STPG2: variants seen among roughly 807,000 people sequenced by gnomAD.
STPG2 encodes the protein sperm tail PG-rich repeat containing 2, also known as sperm-tail PG-rich repeat-containing protein 2.
STPG2 carries 56 observed loss-of-function variants against 54.2 expected under a neutral mutation model. The observed-to-expected ratio is 1.03, with a 90% CI of 0.83 to 1.29. The LOEUF (loss-of-function observed/expected upper bound fraction) is 1.29. STPG2 is among the 50% of genes most tolerant of loss of function. STPG2 has a pLI of 0.00. For synonymous variants in STPG2, 200 were observed against 181.8 expected, an observed-to-expected ratio of 1.10 and a Z score of -0.81; for missense variants, 596 against 544.9, an observed-to-expected ratio of 1.09 and a Z score of -0.93.
At chr4:97,578,979 C>T (rs538377012) in intron 10 of STPG2, among the ~76,000 whole-genome samples, 2 of 151,966 alleles carry the variant, frequency 1.3e-5, no homozygotes, top group South Asian at 2.1e-4. Context: ...TAGCATCAAA[C>T]GAACAATATC....
intron 4 of STPG2, among the ~76,000 whole-genome samples, chr4:97,505,576 G>T (rs569344594): frequency 6.6e-6 from 1 of 151,936 alleles, no homozygotes; most frequent in African/African-American, 2.4e-5. Flanking sequence ...GCATTGTTTG[G>T]ACTGCTATGC....
rs10016313 is a variant in STPG2 at position 97,736,662 on chromosome 4, C to A, written c.1205-23848G>T. Among the ~76,000 whole-genome samples, 442 of 152,298 alleles carry A rather than the reference C, an allele frequency of 2.9e-3. 3 individuals are homozygous for A. Among genetic ancestry groups the A allele is most frequent in the African/African-American group, 9.7e-3 (405 of 41,574 alleles). ...GGTGGCAGCCAGGCTAGGGGAGGGGCACCTGTCATTGCCCAGGCTTGCTTA... is the reference window on the plus strand; with the variant it reads ...GGTGGCAGCCAGGCTAGGGGAGGGGAACCTGTCATTGCCCAGGCTTGCTTA... On this transcript the variant is annotated intron_variant, in intron 9 of 10. Transcript: ENST00000295268.
At chr4:97,918,739 C>G (rs1472935204) in intron 8 of STPG2, among the ~76,000 whole-genome samples, 2 of 152,020 alleles carry the variant, frequency 1.3e-5, no homozygotes, top group Admixed American at 1.3e-4. Flanking sequence ...ATCCTATGTT[C>G]TCACTTATAA....
At chr4:97,639,976 T>C (rs1721709289) in intron 10 of STPG2, among the ~76,000 whole-genome samples, 3 of 152,070 alleles carry the variant, frequency 2.0e-5, no homozygotes, top group Admixed American at 6.6e-5. Context: ...AGCAACCGTA[T>C]GAGATAGGTT....
chr4:98,131,109 T>C (rs1336056605), intron 2 of STPG2, among the ~76,000 whole-genome samples: 3 of 152,158 alleles, frequency 2.0e-5, no homozygotes, highest in East Asian at 1.9e-4. Context: ...GCACATAAAG[T>C]GGGAAAAAAT....
At chr4:97,954,840 CA>C (rs1360869021) in intron 7 of STPG2, among the ~76,000 whole-genome samples, 1 of 150,550 alleles carries the variant, frequency 6.6e-6, no homozygotes, top group Non-Finnish European at 1.5e-5. Context: ...TAGGGCATGC[CA>C]AAAAACAGAA....
At chr4:97,744,374 T>C (rs987980989) in intron 9 of STPG2, among the ~76,000 whole-genome samples, 1 of 151,234 alleles carries the variant, frequency 6.6e-6, no homozygotes, top group African/African-American at 2.4e-5. Context: ...TGGGAGGAAG[T>C]AGGGAGGAGT....
intron 8 of STPG2, among the ~76,000 whole-genome samples, chr4:97,935,774 T>C (rs1732727093): frequency 6.6e-6 from 1 of 152,208 alleles, no homozygotes. Flanking sequence ...CTTTTGCATT[T>C]GCTGAGGAGT....
At chr4:97,921,202 T>C (rs558541074) in intron 8 of STPG2, among the ~76,000 whole-genome samples, 1 of 152,198 alleles carries the variant, frequency 6.6e-6, no homozygotes, top group East Asian at 1.9e-4. Flanking sequence ...AACTTTGCCA[T>C]GCACCCCTGA....
intron 4 of STPG2, among the ~76,000 whole-genome samples, chr4:97,527,082 G>T (rs1040033044): frequency 1.3e-5 from 2 of 151,528 alleles, no homozygotes; most frequent in African/African-American, 4.9e-5. Flanking sequence ...CACATGCCAT[G>T]GCGGTTTGCT....
intron 9 of STPG2, among the ~76,000 whole-genome samples, chr4:97,738,349 T>A (rs1725093602): frequency 6.6e-6 from 1 of 152,036 alleles, no homozygotes; most frequent in African/African-American, 2.4e-5. Flanking sequence ...AGGATCAAAT[T>A]CACACATAAC....
intron 8 of STPG2, among the ~76,000 whole-genome samples, chr4:97,911,075 G>T (rs1342126491): frequency 6.6e-6 from 1 of 152,234 alleles, no homozygotes; most frequent in South Asian, 2.1e-4. Flanking sequence ...CCCAGCTCCA[G>T]CCAAGAAAGG....
intron 10 of STPG2, among the ~76,000 whole-genome samples, chr4:97,705,055 G>A (rs918522884): frequency 2.6e-5 from 4 of 152,162 alleles, no homozygotes; most frequent in African/African-American, 9.6e-5. Context: ...CTATAGCTCA[G>A]AGGAGAAAAT....
chr4:97,681,817 C>G (rs189214508), intron 10 of STPG2, among the ~76,000 whole-genome samples: 6 of 151,788 alleles, frequency 4.0e-5, no homozygotes, highest in Admixed American at 3.9e-4. Context: ...TGATGTCTGT[C>G]TTTTTCTTCT....
At chr4:97,890,364 T>TA (rs1278684328) in intron 8 of STPG2, among the ~76,000 whole-genome samples, 2 of 152,034 alleles carry the variant, frequency 1.3e-5, no homozygotes, top group Admixed American at 1.3e-4. Flanking sequence ...AAATTTTTTT[T>TA]AAATTATTTT....
intron 4 of STPG2, among the ~76,000 whole-genome samples, chr4:97,456,324 A>G (rs1038950277): frequency 6.6e-6 from 1 of 151,990 alleles, no homozygotes; most frequent in Admixed American, 6.6e-5. Context: ...GCCAGCAGGA[A>G]GGGGAGAGAG....
At chr4:97,731,950 T>C (rs1724809738) in intron 9 of STPG2, among the ~76,000 whole-genome samples, 2 of 152,166 alleles carry the variant, frequency 1.3e-5, no homozygotes, top group South Asian at 4.1e-4. Context: ...TGCCTCAGCA[T>C]AGCACTAAGG....
chr4:97,876,979 A>G (rs1311032940), intron 8 of STPG2, among the ~76,000 whole-genome samples: 1 of 152,150 alleles, frequency 6.6e-6, no homozygotes, highest in Non-Finnish European at 1.5e-5. Context: ...GACAAATAAT[A>G]ATTATGTATA....
chr4:97,975,035 C>G (rs1421548908), intron 6 of STPG2, among the ~76,000 whole-genome samples: 1 of 152,050 alleles, frequency 6.6e-6, no homozygotes, highest in East Asian at 1.9e-4. Flanking sequence ...TAAAAAAAGG[C>G]AGACTCAAAA....
Sources: allele counts gnomAD v4.1 joint callset (sites outside exome capture counted in the v4.1 genomes callset), GRCh38; gene constraint gnomAD v4.1.1; transcripts MANE v1.5; gene names NCBI Gene and HGNC (gene_info 2026-07-23, HGNC 2026-07-21).